DLC1: variants seen among roughly 807,000 people sequenced by gnomAD.
The protein encoded by DLC1 is DLC1 Rho GTPase activating protein.
A neutral mutation model predicts 140.3 loss-of-function variants in DLC1; 54 were observed. The observed-to-expected ratio is 0.38, with a 90% confidence interval of 0.31 to 0.48. The LOEUF (loss-of-function observed/expected upper bound fraction) is 0.48. Among genes scored for constraint, DLC1 ranks in the 20% least tolerant of loss-of-function variants. DLC1 has a pLI of 0.96. For synonymous variants in DLC1, 986 were observed against 728.1 expected (o/e 1.35, Z -5.70); for missense variants, 2,536 against 1,907.0 (o/e 1.33, Z -6.14).
At chr8:13,170,295 T>C (rs2116921856) in intron 5 of DLC1, among the ~76,000 whole-genome samples, 1 of 152,346 alleles carries the variant, frequency 6.6e-6, no homozygotes. Context: ...AGAACTCTTA[T>C]TTAAAATGCA....
intron 5 of DLC1, among the ~76,000 whole-genome samples, chr8:13,194,011 G>T (rs1826910519): frequency 6.6e-6 from 1 of 152,120 alleles, no homozygotes; most frequent in African/African-American, 2.4e-5. Flanking sequence ...ACTAAAAATT[G>T]TATAGTAATT....
At chr8:13,390,848 C>T (rs1357020481) in intron 4 of DLC1, among the ~76,000 whole-genome samples, 3 of 151,928 alleles carry the variant, frequency 2.0e-5, no homozygotes, top group South Asian at 2.1e-4. Flanking sequence ...ATTAGCCAGG[C>T]GTGGTGGAGG....
At chr8:13,148,878 C>T (rs1315350982) in intron 5 of DLC1, among the ~76,000 whole-genome samples, 6 of 152,184 alleles carry the variant, frequency 3.9e-5, no homozygotes, top group African/African-American at 7.2e-5. Flanking sequence ...CTGCAAGCTC[C>T]GCCTCCCAGG....
At chr8:13,155,163 T>C in intron 5 of DLC1, among the ~76,000 whole-genome samples, 1 of 151,730 alleles carries the variant, frequency 6.6e-6, no homozygotes, top group Admixed American at 6.6e-5. Context: ...AATGTCTCCA[T>C]ATCGGTGTAT....
intron 1 of DLC1, among the ~76,000 whole-genome samples, chr8:13,562,333 T>A (rs374701192): frequency 3.5e-4 from 53 of 151,612 alleles, no homozygotes; most frequent in Admixed American, 1.8e-3. Flanking sequence ...GACAAATAAA[T>A]AATATTTCCA....
chr8:13,477,631 A>G (rs1394692749), intron 2 of DLC1, among the ~76,000 whole-genome samples: 2 of 152,224 alleles, frequency 1.3e-5, no homozygotes, highest in African/African-American at 4.8e-5. Context: ...GACTGTGTAG[A>G]ATGAGCTTGT....
chr8:13,224,220 T>G (rs914014200), intron 5 of DLC1, among the ~76,000 whole-genome samples: 5 of 152,206 alleles, frequency 3.3e-5, no homozygotes, highest in African/African-American at 1.2e-4. Context: ...AGAATTAAAA[T>G]TGTTTGCTGT....
chr8:13,194,612 A>G (rs1225274292), intron 5 of DLC1, among the ~76,000 whole-genome samples: 1 of 152,238 alleles, frequency 6.6e-6, no homozygotes, highest in East Asian at 1.9e-4. Context: ...CAAAAGCACA[A>G]GGACTCCATT....
At chr8:13,195,865 G>A (rs1331047247) in intron 5 of DLC1, among the ~76,000 whole-genome samples, 1 of 151,942 alleles carries the variant, frequency 6.6e-6, no homozygotes, top group African/African-American at 2.4e-5. Context: ...AAATGAGCAA[G>A]GGGTCATTAT....
At chr8:13,380,556 A>T (rs917387738) in intron 4 of DLC1, among the ~76,000 whole-genome samples, 1 of 152,178 alleles carries the variant, frequency 6.6e-6, no homozygotes, top group African/African-American at 2.4e-5. Context: ...CTTTAGTCCC[A>T]TTTAAATATA....
chr8:13,340,818 T>C (rs1834006727), intron 4 of DLC1: 2 of 152,230 alleles, frequency 1.3e-5, no homozygotes, highest in Non-Finnish European at 1.5e-5. Context: ...GAGTAAAATA[T>C]ATGCCCTGGC....
intron 1 of DLC1, among the ~76,000 whole-genome samples, chr8:13,524,105 CTATTTATTATTAT>C (rs1342114791): frequency 8.2e-6 from 1 of 121,346 alleles, no homozygotes; most frequent in East Asian, 2.4e-4. Context: ...GTTATCTATT[CTATTTATTATTAT>C]TATTATTATT....
chr8:13,521,408 TA>T (rs376802924), intron 1 of DLC1, among the ~76,000 whole-genome samples: 6,378 of 128,950 alleles, frequency 0.049, 445 homozygotes, highest in African/African-American at 0.15. Flanking sequence ...AACTTAAAAT[TA>T]AAAAAAAAAA....
At chr8:13,446,746 G>C (rs992206915) in intron 2 of DLC1, among the ~76,000 whole-genome samples, 2 of 152,078 alleles carry the variant, frequency 1.3e-5, no homozygotes, top group Non-Finnish European at 2.9e-5. Flanking sequence ...TTCGAGACCA[G>C]CCTGGCCAAC....
intron 1 of DLC1, among the ~76,000 whole-genome samples, chr8:13,550,321 C>T (rs998040079): frequency 6.6e-6 from 1 of 152,070 alleles, no homozygotes; most frequent in African/African-American, 2.4e-5. Flanking sequence ...CTTGCTTCCC[C>T]TTTGTCTTCT....
chr8:13,305,800 A>ACAGGCTAT (rs1832394148), intron 4 of DLC1, among the ~76,000 whole-genome samples: 1 of 152,222 alleles, frequency 6.6e-6, no homozygotes, highest in Non-Finnish European at 1.5e-5. Flanking sequence ...ATCGTGCTAC[A>ACAGGCTAT]GACTCCAGCC....
Position 13,115,591 on chromosome 8 carries a change from T to G in DLC1, c.1415A>C (p.Tyr472Ser). 1.2e-6 allele frequency: 2 copies of G among 1,613,506 alleles called. No homozygotes were observed. Among genetic ancestry groups the G allele is most frequent in the Non-Finnish European group, 1.7e-6 (2 of 1,179,722 alleles). Reference protein sequence around the residue: ...ATGFPQYAQLYEDFLFPIDIS... With the variant: ...ATGFPQYAQLSEDFLFPIDIS... The stretch of plus-strand genomic sequence containing the variant: ...AAGTGGCATTCCCAGCTTACCTTCA[T>G]AAAGCTGTGCATACTGGGGGAAACC... The change falls in exon 6 of 18, where the codon TAT becomes TCT. Residue 472 changes from tyrosine to serine, a missense_variant. Physicochemically the swap from Tyr to Ser is moderately radical, Grantham distance 144. Coordinates refer to ENST00000276297, the MANE Select transcript of DLC1 (RefSeq NM_182643.3).
intron 1 of DLC1, among the ~76,000 whole-genome samples, chr8:13,528,173 C>G (rs1802980067): frequency 6.6e-6 from 1 of 152,098 alleles, no homozygotes; most frequent in African/African-American, 2.4e-5. Context: ...TTATCAAACT[C>G]TTAAAAAGTT....
intron 1 of DLC1, among the ~76,000 whole-genome samples, chr8:13,542,243 A>G (rs748832679): frequency 1.1e-4 from 16 of 152,206 alleles, no homozygotes; most frequent in Non-Finnish European, 1.8e-4. Flanking sequence ...TGTGGTATAA[A>G]GAGCCAAGAT....
Sources: gnomAD v4.1 joint callset for allele counts (sites outside exome capture counted in the v4.1 genomes callset) on GRCh38, gnomAD v4.1.1 for gene constraint, MANE v1.5 for transcripts, NCBI Gene and HGNC (gene_info 2026-07-23, HGNC 2026-07-21) for gene names.